Variants in ANKS1B observed in about 807,000 individuals in gnomAD.
ANKS1B encodes ankyrin repeat and sterile alpha motif domain containing 1B.
A neutral mutation model predicts 148.3 loss-of-function variants in ANKS1B; 36 were observed. The ratio of observed to expected loss-of-function variants is 0.24; its 90% CI spans 0.19 to 0.32. The LOEUF (loss-of-function observed/expected upper bound fraction) is 0.32. ANKS1B is among the 10% of genes least tolerant of loss of function. The pLI is 1.00. For missense variants in ANKS1B, 1,157 were observed against 1,542.6 expected (o/e 0.75, Z 4.19); for synonymous variants, 542 against 560.8 (o/e 0.97, Z 0.47).
chr12:99,736,432 A>G (rs781405985), intron 8 of ANKS1B, among the ~76,000 whole-genome samples: 1 of 151,902 alleles, frequency 6.6e-6, no homozygotes, highest in Non-Finnish European at 1.5e-5. Context: ...CACAAAAATC[A>G]CCAGTATTTT....
intron 17 of ANKS1B, among the ~76,000 whole-genome samples, chr12:98,842,347 A>G (rs779913548): frequency 3.3e-5 from 5 of 152,238 alleles, no homozygotes; most frequent in Non-Finnish European, 7.3e-5. Context: ...ATATTGTAGG[A>G]TTCCATTTAC....
chr12:99,458,877 T>C (rs1461862074), intron 10 of ANKS1B, among the ~76,000 whole-genome samples: 1 of 151,788 alleles, frequency 6.6e-6, no homozygotes, highest in Non-Finnish European at 1.5e-5. Context: ...TTCCAAAAGA[T>C]ATAGAAAAAG....
At position 98,989,173 on chromosome 12, in the gene ANKS1B, A is replaced by G. The variant is rs561047646; in HGVS notation, c.2778+63984T>C. On this transcript the variant is annotated intron_variant, in intron 17 of 26. Coordinates refer to ENST00000683438, the MANE Select transcript of ANKS1B (RefSeq NM_001352186.2). ...CTGGGCTTTTGGTTCATGTTAAAAA[A>G]AATAATTGCCTAGACCAATGTCATG... is the stretch of plus-strand genomic sequence containing the variant. Among the ~76,000 whole-genome samples the G allele has an allele frequency of 6.6e-5, 10 of 152,318 alleles. No individual in the cohort carries two copies. The South Asian group carries it at 1.9e-3, about 28-fold the overall frequency.
intron 8 of ANKS1B, among the ~76,000 whole-genome samples, chr12:99,706,250 AC>A: frequency 3.9e-5 from 6 of 152,106 alleles, no homozygotes; most frequent in Admixed American, 3.9e-4. Flanking sequence ...TAGATTAGAG[AC>A]ATAAAGATAA....
chr12:99,804,395 C>G (rs544591128), intron 4 of ANKS1B, among the ~76,000 whole-genome samples: 1 of 152,002 alleles, frequency 6.6e-6, no homozygotes, highest in Admixed American at 6.5e-5. Flanking sequence ...AATTCTTATG[C>G]TTTTTTGAGA....
At chr12:99,600,420 C>T (rs747554133) in intron 9 of ANKS1B, among the ~76,000 whole-genome samples, 7 of 151,858 alleles carry the variant, frequency 4.6e-5, no homozygotes, top group East Asian at 1.9e-4. Context: ...TATGCCGCTG[C>T]GAAGGGAAGA....
chr12:99,671,843 T>C (rs1018192225), intron 8 of ANKS1B, among the ~76,000 whole-genome samples: 4 of 152,118 alleles, frequency 2.6e-5, no homozygotes, highest in Admixed American at 6.6e-5. Context: ...GTATGCTCAA[T>C]AGCATTCAGT....
intron 17 of ANKS1B, chr12:99,048,953 GCTGTA>G (rs2099964208): frequency 6.6e-6 from 1 of 152,206 alleles, no homozygotes; most frequent in South Asian, 2.1e-4. Flanking sequence ...TGGGGAGCCA[GCTGTA>G]CTGTATATAG....
intron 12 of ANKS1B, among the ~76,000 whole-genome samples, chr12:99,281,843 C>G (rs1431345173): frequency 6.6e-6 from 1 of 152,106 alleles, no homozygotes; most frequent in South Asian, 2.1e-4. Context: ...TACTGAGAAC[C>G]TACTAAATTG....
At chr12:99,158,469 C>A (rs2076306306) in intron 14 of ANKS1B, among the ~76,000 whole-genome samples, 2 of 152,220 alleles carry the variant, frequency 1.3e-5, no homozygotes, top group African/African-American at 4.8e-5. Flanking sequence ...TTGTCATAGT[C>A]TTTTAAAAAA....
chr12:99,618,681 C>T (rs188564436), intron 9 of ANKS1B, among the ~76,000 whole-genome samples: 1 of 151,924 alleles, frequency 6.6e-6, no homozygotes, highest in African/African-American at 2.4e-5. Context: ...TTCTCCCAAG[C>T]CTTGGAAATA....
At chr12:99,971,777 T>C (rs2095562059) in intron 1 of ANKS1B, among the ~76,000 whole-genome samples, 2 of 152,192 alleles carry the variant, frequency 1.3e-5, no homozygotes, top group Non-Finnish European at 2.9e-5. Flanking sequence ...AAATACATTT[T>C]TTAACATTTG....
intron 14 of ANKS1B, among the ~76,000 whole-genome samples, chr12:99,155,278 A>G (rs1213927396): frequency 1.3e-5 from 2 of 152,156 alleles, no homozygotes; most frequent in African/African-American, 4.8e-5. Context: ...GTGTTTGGAG[A>G]ATAATTATTC....
chr12:99,152,282 C>T (rs954311007), intron 15 of ANKS1B, among the ~76,000 whole-genome samples: 1 of 152,088 alleles, frequency 6.6e-6, no homozygotes, highest in South Asian at 2.1e-4. Flanking sequence ...ATTAACTCCT[C>T]TAAATGGCAA....
At chr12:99,569,010 C>A (rs145953145) in intron 9 of ANKS1B, among the ~76,000 whole-genome samples, 1 of 152,154 alleles carries the variant, frequency 6.6e-6, no homozygotes, top group Non-Finnish European at 1.5e-5. Flanking sequence ...ATCACAGACA[C>A]GGTGATATGT....
chr12:99,348,095 A>G (rs1325803415), intron 12 of ANKS1B, among the ~76,000 whole-genome samples: 1 of 151,892 alleles, frequency 6.6e-6, no homozygotes, highest in East Asian at 1.9e-4. Context: ...GAGCAGGTAG[A>G]AAAAAAGAAT....
intron 18 of ANKS1B, chr12:98,830,940 A>ATTCTTTT (rs1566958832): frequency 3.5e-4 from 16 of 45,528 alleles, no homozygotes; most frequent in Non-Finnish European, 4.2e-4. Context: ...CTACCTCATA[A>ATTCTTTT]TTTTTTTTTT....
chr12:99,908,711 G>A (rs1162006217), intron 1 of ANKS1B, among the ~76,000 whole-genome samples: 4 of 152,028 alleles, frequency 2.6e-5, no homozygotes, highest in South Asian at 2.1e-4. Context: ...ATACAACTTC[G>A]GTCTCTGCTG....
At chr12:99,234,763 CT>C (rs35192722) in intron 14 of ANKS1B, among the ~76,000 whole-genome samples, 37,567 of 146,722 alleles carry the variant, frequency 0.26, 4,843 homozygotes, top group African/African-American at 0.32. Context: ...GTCTGTCTGA[CT>C]TTTTTTTTTT....
Sources: gnomAD v4.1 joint callset for allele counts (sites outside exome capture counted in the v4.1 genomes callset) on GRCh38, gnomAD v4.1.1 for gene constraint, MANE v1.5 for transcripts, NCBI Gene and HGNC (gene_info 2026-07-23, HGNC 2026-07-21) for gene names.